The following SPEG variants were observed in gnomAD, a reference collection of about 807,000 sequenced individuals.
SPEG encodes the protein striated muscle enriched protein kinase, also known as striated muscle preferentially expressed protein kinase.
SPEG carries 114 observed loss-of-function variants against 300.4 expected under a neutral mutation model. The ratio of observed to expected loss-of-function variants is 0.38; its 90% CI spans 0.33 to 0.44. The LOEUF is 0.44. Among genes scored for constraint, SPEG ranks in the 20% least tolerant of loss-of-function variants. The pLI is 1.00. For synonymous variants in SPEG, 1,964 were observed against 2,018.9 expected, an observed-to-expected ratio of 0.97 and a Z score of 0.73; for missense variants, 4,201 against 4,586.2, an observed-to-expected ratio of 0.92 and a Z score of 2.43.
chr2:219,436,602 A>G (rs1279214590), intron 1 of SPEG, among the ~76,000 whole-genome samples: 8 of 152,196 alleles, frequency 5.3e-5, no homozygotes, highest in Admixed American at 3.9e-4. Context: ...AGTCTCTAGG[A>G]CACAGCCAAG....
intron 31 of SPEG, among the ~76,000 whole-genome samples, chr2:219,487,728 A>G (rs972298487): frequency 6.6e-6 from 1 of 152,192 alleles, no homozygotes; most frequent in African/African-American, 2.4e-5. Context: ...CTGATAGAAC[A>G]TTCCTCATTT....
chr2:219,449,193 C>T lies in SPEG; in HGVS notation c.2035C>T (p.Pro679Ser). ...TCGCAGAGGGCCGGAGGAGGACGGT[C>T]CCTGGGGGCCCTGGGACCGCCGAGG... is the stretch of plus-strand genomic sequence containing the variant. ...RLRRGPEEDG[P>S]WGPWDRRGAR... Residue 679 changes from proline to serine, a missense_variant, in exon 4 of 41, where the codon CCC (proline) becomes TCC (serine). Physicochemically the swap from Pro to Ser is moderately conservative, Grantham distance 74. Coordinates refer to ENST00000312358, the MANE Select transcript of SPEG (RefSeq NM_005876.5). 2 of 1,394,246 alleles carry T rather than the reference C, an allele frequency of 1.4e-6. No individual in the cohort carries two copies. The highest frequency in any genetic ancestry group is 1.6e-5 in the South Asian group (1 of 60,832). The allele number at this position is 1,394,246 out of a possible 1,614,324, so 86.4% of individuals were successfully genotyped here. A position where few individuals can be genotyped will look rare whatever the true frequency, so the allele number is the denominator to read the frequency against.
At chr2:219,471,844 G>T in intron 13 of SPEG, 24 bp from the exon 14 acceptor site, 1 of 1,613,586 alleles carries the variant, frequency 6.2e-7, no homozygotes, top group Non-Finnish European at 8.5e-7. Context: ...CTCAGGCCCA[G>T]TGTCACTGTC....
In SPEG at chr2:219,484,892, T is replaced by A; in HGVS notation, c.7429T>A (p.Ser2477Thr). 6.6e-7 allele frequency: 1 copy of A among 1,525,678 alleles called. No homozygotes were observed. The highest frequency in any genetic ancestry group is 1.2e-5 in the South Asian group (1 of 83,468). 94.5% of individuals were successfully genotyped at this position (1,525,678 alleles called of 1,614,324 possible). A position where few individuals can be genotyped will look rare whatever the true frequency, so the allele number is the denominator to read the frequency against. Residue 2477 changes from serine to threonine, a missense_variant, in exon 30 of 41, where the codon TCG (serine) becomes ACG (threonine). This residue lies in a region of SPEG where 1,578 missense variants were observed against 1,506.0 expected (regional missense o/e 1.05). Coordinates refer to ENST00000312358, the MANE Select transcript of SPEG (RefSeq NM_005876.5). ...RLQRSGSSED[S>T]GGASGRSTPL... ...GCAGCGCAGTGGCAGCAGCGAGGAC[T>A]CGGGGGGCGCGTCGGGCCGCAGCAC...
chr2:219,437,832 A>G (rs1954758138), intron 1 of SPEG, among the ~76,000 whole-genome samples: 1 of 152,104 alleles, frequency 6.6e-6, no homozygotes, highest in South Asian at 2.1e-4. Context: ...GCAGCCGGGC[A>G]AGCAGCTCGG....
At chr2:219,492,454 G>A (rs1694060795) in intron 40 of SPEG, 140 bp from the exon 41 acceptor site, 1 of 1,107,288 alleles carries the variant, frequency 9.0e-7, no homozygotes. Context: ...CGGAGACTGG[G>A]GAACTGAGCT....
At chr2:219,438,234 C>T (rs768795532) in intron 1 of SPEG, among the ~76,000 whole-genome samples, 3 of 152,122 alleles carry the variant, frequency 2.0e-5, no homozygotes, top group East Asian at 1.9e-4. Flanking sequence ...CCTTAACATG[C>T]GTAAGTACCC....
Position 219,445,286 on chromosome 2 carries a change from C to A in SPEG, c.815+125C>A. 1 of 913,564 alleles carries A rather than the reference C, an allele frequency of 1.1e-6. No homozygotes were observed. The highest frequency in any genetic ancestry group is 1.7e-6 in the Non-Finnish European group (1 of 584,884). The allele number at this position is 913,564 out of a possible 1,614,324, so 56.6% of individuals were successfully genotyped here. A position where few individuals can be genotyped will look rare whatever the true frequency, so the allele number is the denominator to read the frequency against. On this transcript the variant is annotated intron_variant, in intron 3 of 40. Transcript: ENST00000312358. The surrounding 1 kb of genome is among the most constrained non-coding windows in gnomAD (Gnocchi z 6.1). ...ATCCATCTCTCTGTGCATTTCTTCA[C>A]CCCCTGCTGCCACTCCATCTTCCCA...
rs957185865 is a variant in SPEG, at chr2:219,439,764, C to A, written c.388+4399C>A. On this transcript the variant is annotated intron_variant, in intron 1 of 40. Transcript: ENST00000312358. The surrounding 1 kb of genome is among the most constrained non-coding windows in gnomAD (Gnocchi z 4.5). ...TCCTGCCGGCCCCTCCTGGGCCCAG[C>A]TGTCCCGTCACTCACGCCCGCTGCC... Among the ~76,000 whole-genome samples, 12 of 152,302 alleles carry A rather than the reference C, an allele frequency of 7.9e-5. No individual in the cohort carries two copies. The highest frequency in any genetic ancestry group is 2.9e-4 in the African/African-American group (12 of 41,564).
chr2:219,458,692 G>A lies in SPEG; in HGVS notation c.2441-3190G>A, dbSNP rs1281185252. Among the ~76,000 whole-genome samples the A allele has an allele frequency of 1.3e-5, 2 of 152,186 alleles. No homozygotes were observed. Among genetic ancestry groups the A allele is most frequent in the Non-Finnish European group, 2.9e-5 (2 of 68,034 alleles). Reference sequence around the variant, plus strand: ...TGAATGGCCCAGTGAAGGGGGCTTAGTGATACCACCTCTTAGGGCTGTCCT... The same window carrying A: ...TGAATGGCCCAGTGAAGGGGGCTTAATGATACCACCTCTTAGGGCTGTCCT... On this transcript the variant is annotated intron_variant, in intron 6 of 40. Coordinates refer to ENST00000312358, the MANE Select transcript of SPEG (RefSeq NM_005876.5). This position sits in a 1 kb window ranked among gnomAD's most constrained non-coding sequence, Gnocchi z 4.2.
intron 6 of SPEG, among the ~76,000 whole-genome samples, chr2:219,456,849 C>T (rs1458323408): frequency 6.8e-6 from 1 of 146,930 alleles, no homozygotes; most frequent in Admixed American, 6.9e-5. Flanking sequence ...GCAGAGGTCT[C>T]AGTGAGCTGA....
chr2:219,480,191 T>C lies in SPEG; in HGVS notation c.5342+51T>C, dbSNP rs1352800410. On this transcript the variant is annotated intron_variant, in intron 25 of 40. Transcript: ENST00000312358. This position sits in a 1 kb window ranked among gnomAD's most constrained non-coding sequence, Gnocchi z 5.3. ...CGACCAGGGCAGCTGCCCTTGGGGC[T>C]GTGCTGGGGACGCGCTCACTGGCAG... The C allele has an allele frequency of 1.6e-5, 26 of 1,585,740 alleles. No homozygotes were observed. The highest frequency in any genetic ancestry group is 2.2e-5 in the Non-Finnish European group (26 of 1,158,656).
At chr2:219,436,992 T>A (rs1452378801) in intron 1 of SPEG, among the ~76,000 whole-genome samples, 2 of 151,886 alleles carry the variant, frequency 1.3e-5, no homozygotes, top group Non-Finnish European at 2.9e-5. Context: ...AGTCATAATA[T>A]AAGTTAAGGT....
Position 219,448,310 on chromosome 2 carries a change from G to C in SPEG, c.1152G>C (p.Leu384=). 1.9e-6 allele frequency: 3 copies of C among 1,607,520 alleles called. No individual in the cohort carries two copies. The highest frequency in any genetic ancestry group is 2.5e-6 in the Non-Finnish European group (3 of 1,177,866). ...QTPLSEASGR[L]SALGRSPRLV... ...CACTGAGCGAGGCCTCAGGCCGCCT[G>C]TCGGCGTTGGGCCGATCGCCTAGGC... Residue 384 remains leucine (L), a synonymous_variant, in exon 4 of 41, where the codon CTG becomes CTC. Transcript: ENST00000312358.
rs1689513638 is a variant in SPEG at position 219,448,781 on chromosome 2, C to G, written c.1623C>G (p.Thr541=). The G allele has an allele frequency of 2.8e-6, 4 of 1,424,176 alleles. No homozygotes were observed. The highest frequency in any genetic ancestry group is 3.6e-6 in the Non-Finnish European group (4 of 1,096,558). 88.2% of individuals were successfully genotyped at this position (1,424,176 alleles called of 1,614,324 possible). A position where few individuals can be genotyped will look rare whatever the true frequency, so the allele number is the denominator to read the frequency against. Residue 541 remains threonine, a synonymous_variant, in exon 4 of 41, where the codon ACC becomes ACG. Transcript: ENST00000312358. ...GEPPLFSRPS[T]PKTSRAVSPA... is the part of the protein sequence containing the mutation. The stretch of plus-strand genomic sequence containing the variant: ...CCCCGCTCTTCTCTCGGCCCTCCAC[C>G]CCCAAGACATCGCGGGCCGTGAGCC...
Position 219,477,216 on chromosome 2 carries a change from C to CGGGGCCTGGTACAGCGGCA in SPEG, c.4561-61_4561-60insGGGGCCTGGTACAGCGGCA. On this transcript the variant is annotated intron_variant, in intron 19 of 40. Transcript: ENST00000312358. This position sits in a 1 kb window ranked among gnomAD's most constrained non-coding sequence, Gnocchi z 6.4. ...GCGCTGCCCAGAGTAGGAGATGAGGCCCTGGCCCCAAGGTAGAGATGAGGC... is the reference window on the plus strand; with the variant it reads ...GCGCTGCCCAGAGTAGGAGATGAGGCGGGGCCTGGTACAGCGGCACCTGGCCCCAAGGTAGAGATGAGGC... The CGGGGCCTGGTACAGCGGCA allele has an allele frequency of 6.8e-7, 1 of 1,467,326 alleles. No homozygotes were observed. Among genetic ancestry groups the CGGGGCCTGGTACAGCGGCA allele is most frequent in the Non-Finnish European group, 9.2e-7 (1 of 1,088,648 alleles). The allele number at this position is 1,467,326 out of a possible 1,614,324, so 90.9% of individuals were successfully genotyped here.
chr2:219,466,118 T>A, intron 9 of SPEG: 1 of 1,585,362 alleles, frequency 6.3e-7, no homozygotes, highest in Non-Finnish European at 8.5e-7. Flanking sequence ...CGCCCCTGTC[T>A]CAGGCACCTC....
chr2:219,481,240 G>T lies in SPEG; in HGVS notation c.5370-64G>T. 1 of 1,544,004 alleles carries T rather than the reference G, an allele frequency of 6.5e-7. No individual in the cohort carries two copies. On this transcript the variant is annotated intron_variant, in intron 26 of 40. Transcript: ENST00000312358. This position sits in a 1 kb window ranked among gnomAD's most constrained non-coding sequence, Gnocchi z 5.4. ...AGCCTCCATCTGTCCCCAGCCCTGT[G>T]CCCCCACTGACATTCCCCTTTGTCC...
In SPEG at chr2:219,449,115, G is replaced by A; in HGVS notation, c.1957G>A (p.Val653Ile). Residue 653 changes from valine (V) to isoleucine (I), a missense_variant, in exon 4 of 41, where the codon GTA becomes ATA. This residue lies in a region of SPEG where 1,258 missense variants were observed against 1,293.9 expected (regional missense o/e 0.97). Transcript: ENST00000312358. The stretch of plus-strand genomic sequence containing the variant: ...CACGCCGGGCCTGGAGGGCGCTGCT[G>A]TACCCCAGACCTTGGAGAAGAACAG... The part of the protein sequence containing the change: ...WATPGLEGAA[V>I]PQTLEKNRAG... 1.4e-6 allele frequency: 2 copies of A among 1,475,380 alleles called. No individual in the cohort carries two copies. The highest frequency in any genetic ancestry group is 1.8e-6 in the Non-Finnish European group (2 of 1,115,336). The allele number at this position is 1,475,380 out of a possible 1,614,324, so 91.4% of individuals were successfully genotyped here.
Sources: gnomAD v4.1 joint callset for allele counts (sites outside exome capture counted in the v4.1 genomes callset) on GRCh38, gnomAD v4.1.1 for gene constraint, gnomAD v4.1.1 regional missense constraint, Gnocchi (gnomAD v3.1) non-coding constraint, MANE v1.5 for transcripts, NCBI Gene and HGNC (gene_info 2026-07-23, HGNC 2026-07-21) for gene names.